The following ABCB7 variants were observed in gnomAD, a reference collection of about 807,000 sequenced individuals.
ABCB7 encodes ATP binding cassette subfamily B member 7, also known as iron-sulfur clusters transporter ABCB7, mitochondrial.
Under a neutral mutation model 54.4 loss-of-function variants are expected in ABCB7, and 7 were observed. The observed-to-expected ratio is 0.13, with a 90% CI of 0.07 to 0.24. The LOEUF (loss-of-function observed/expected upper bound fraction) is 0.24. Among genes scored for constraint, ABCB7 ranks in the 10% least tolerant of loss-of-function variants. The pLI is 1.00. For synonymous variants in ABCB7, 218 were observed against 207.1 expected (o/e 1.05, Z -0.45); for missense variants, 356 against 570.4 (o/e 0.62, Z 3.83).
At chrX:75,129,898 A>G (rs1199973066) in intron 1 of ABCB7, among the ~76,000 whole-genome samples, 1 of 111,207 alleles carries the variant, frequency 9.0e-6, no homozygotes, top group African/African-American at 3.3e-5. Context: ...GGCTATTCTA[A>G]TGCCCAATAC....
At chrX:75,134,926 C>T (rs952351557) in intron 1 of ABCB7, among the ~76,000 whole-genome samples, 1 of 110,834 alleles carries the variant, frequency 9.0e-6, no homozygotes, top group African/African-American at 3.3e-5. Flanking sequence ...ACCAGAAAAA[C>T]AAGAGCAAAC....
intron 1 of ABCB7, among the ~76,000 whole-genome samples, chrX:75,116,483 T>C: frequency 9.0e-6 from 1 of 111,415 alleles, no homozygotes; most frequent in African/African-American, 3.3e-5. Flanking sequence ...AATCAAAGTT[T>C]CCTTGAGGCC....
chrX:75,140,411 CAG>C (rs1277735930), intron 1 of ABCB7, among the ~76,000 whole-genome samples: 4 of 110,707 alleles, frequency 3.6e-5, no homozygotes, highest in Admixed American at 2.9e-4. Flanking sequence ...ATAAAGGAAA[CAG>C]TGTGGTACTG....
chrX:75,096,862 C>T (rs1201999777), intron 4 of ABCB7, among the ~76,000 whole-genome samples: 2 of 110,147 alleles, frequency 1.8e-5, no homozygotes, highest in South Asian at 4.0e-4. Context: ...CACAGTATCT[C>T]TTGTATTTTC....
At chrX:75,142,677 T>TGA (rs2082062472) in intron 1 of ABCB7, among the ~76,000 whole-genome samples, 1 of 112,535 alleles carries the variant, frequency 8.9e-6, no homozygotes, top group Non-Finnish European at 1.9e-5. Flanking sequence ...ACCTGCAAAG[T>TGA]ATTTCTTGAC....
In ABCB7 at chrX:75,156,185, G is replaced by A; in HGVS notation, c.88C>T (p.Pro30Ser). 8.3e-7 allele frequency: 1 copy of A among 1,206,801 alleles called. No homozygotes were observed. The change falls in exon 1 of 16, where the codon CCT becomes TCT. Residue 30 changes from proline (P) to serine (S), a missense_variant. By Grantham distance (74) the Pro-to-Ser change is moderately conservative. Transcript: ENST00000373394. ...KRRHSAILIR[P>S]LVSVSGSGPQ... ...CCTGAGCCGCTAACAGAGACTAAAG[G>A]CCGGATCAGAATCGCGGAGTGCCGG...
intron 4 of ABCB7, among the ~76,000 whole-genome samples, chrX:75,087,303 T>G (rs897027766): frequency 2.7e-5 from 3 of 111,841 alleles, no homozygotes; most frequent in African/African-American, 6.5e-5. Flanking sequence ...CTCAGACAAT[T>G]TGAAAAGATT....
intron 2 of ABCB7, among the ~76,000 whole-genome samples, chrX:75,113,614 C>T (rs1418910169): frequency 9.0e-6 from 1 of 111,368 alleles, no homozygotes; most frequent in Non-Finnish European, 1.9e-5. Flanking sequence ...GTATCTTACA[C>T]ACGGGCAAGG....
intron 4 of ABCB7, among the ~76,000 whole-genome samples, chrX:75,090,959 T>A (rs763213868): frequency 1.1e-4 from 12 of 111,490 alleles, no homozygotes; most frequent in African/African-American, 3.6e-4. Flanking sequence ...TTAAATAAAT[T>A]GATTCAATAA....
chrX:75,108,124 G>C, intron 3 of ABCB7, among the ~76,000 whole-genome samples: 1 of 111,230 alleles, frequency 9.0e-6, no homozygotes, highest in South Asian at 3.8e-4. Context: ...TTTTGGCAAG[G>C]GGAGAGGAGT....
rs1241565412 is a variant in ABCB7, at chrX:75,112,982, G to A, written c.247-10C>T. Reference sequence around the variant, plus strand: ...GCCATACCTGGAGAGCCTAATTGAAGATGATACCAAGCAGTCCGTTAGCTA... The same window carrying A: ...GCCATACCTGGAGAGCCTAATTGAAAATGATACCAAGCAGTCCGTTAGCTA... On this transcript the variant is annotated splice_polypyrimidine_tract_variant and intron_variant, in intron 2 of 15. Coordinates refer to ENST00000373394, the MANE Select transcript of ABCB7 (RefSeq NM_001271696.3). 1 of 1,181,164 alleles carries A rather than the reference G, an allele frequency of 8.5e-7. No individual in the cohort carries two copies. The highest frequency in any genetic ancestry group is 1.1e-6 in the Non-Finnish European group (1 of 869,804).
At chrX:75,131,354 G>C (rs7066125) in intron 1 of ABCB7, among the ~76,000 whole-genome samples, 3,169 of 110,194 alleles carry the variant, frequency 0.029, 117 homozygotes, top group African/African-American at 0.1. Flanking sequence ...GGGTCTGTTC[G>C]GTTTGTAAAA....
chrX:75,127,021 C>T (rs935759855), intron 1 of ABCB7, among the ~76,000 whole-genome samples: 7 of 111,163 alleles, frequency 6.3e-5, no homozygotes, highest in Non-Finnish European at 1.3e-4. Flanking sequence ...CTATTCCAAA[C>T]AATGGAAAAA....
At chrX:75,125,628 G>A (rs1002291142) in intron 1 of ABCB7, among the ~76,000 whole-genome samples, 1 of 110,630 alleles carries the variant, frequency 9.0e-6, no homozygotes, top group African/African-American at 3.3e-5. Flanking sequence ...TGTTCTGCCT[G>A]TTTTTAAATT....
At chrX:75,143,546 C>T (rs2082069948) in intron 1 of ABCB7, among the ~76,000 whole-genome samples, 1 of 111,398 alleles carries the variant, frequency 9.0e-6, no homozygotes, top group Admixed American at 9.6e-5. Flanking sequence ...TCAGCAGTGC[C>T]CCACTCTACC....
chrX:75,131,473 AT>A (rs2081973106), intron 1 of ABCB7, among the ~76,000 whole-genome samples: 1 of 111,122 alleles, frequency 9.0e-6, no homozygotes, highest in African/African-American at 3.3e-5. Context: ...CGTATATATA[AT>A]TTTTTTAACT....
At chrX:75,058,915 G>T (rs1241118718) in intron 15 of ABCB7, among the ~76,000 whole-genome samples, 1 of 111,264 alleles carries the variant, frequency 9.0e-6, no homozygotes, top group Non-Finnish European at 1.9e-5. Context: ...ATATAATAAG[G>T]TATTATTTAC....
chrX:75,066,264 G>C (rs995999683), intron 12 of ABCB7, among the ~76,000 whole-genome samples: 5 of 110,877 alleles, frequency 4.5e-5, no homozygotes, highest in Non-Finnish European at 9.5e-5. Context: ...CATTAACCAG[G>C]ATACCCATCT....
intron 13 of ABCB7, among the ~76,000 whole-genome samples, chrX:75,063,792 C>G (rs1371049730): frequency 9.0e-6 from 1 of 111,719 alleles, no homozygotes; most frequent in Non-Finnish European, 1.9e-5. Flanking sequence ...TAATAAATTG[C>G]TCATTTTGAG....
Sources: allele counts gnomAD v4.1 joint callset (sites outside exome capture counted in the v4.1 genomes callset), GRCh38; gene constraint gnomAD v4.1.1; transcripts MANE v1.5; gene names NCBI Gene and HGNC (gene_info 2026-07-23, HGNC 2026-07-21).